The following RALGDS variants were observed in gnomAD, a reference collection of about 807,000 sequenced individuals.
RALGDS encodes ral guanine nucleotide exchange factor.
A neutral mutation model predicts 99.8 loss-of-function variants in RALGDS; 44 were observed. The observed-to-expected ratio is 0.44, with a 90% confidence interval of 0.35 to 0.57. RALGDS has a LOEUF of 0.57. RALGDS is among the 20% of genes least tolerant of loss of function. The probability of loss-of-function intolerance (pLI) is 0.01; values close to 1 mark genes in which losing one functional copy is unlikely to be tolerated. For synonymous variants in RALGDS, 529 were observed against 505.0 expected, an observed-to-expected ratio of 1.05 and a Z score of -0.64; for missense variants, 1,022 against 1,203.1, an observed-to-expected ratio of 0.85 and a Z score of 2.23.
intron 1 of RALGDS, chr9:133,129,177 G>T (rs1832256132): frequency 8.1e-6 from 13 of 1,597,086 alleles, no homozygotes; most frequent in Non-Finnish European, 1.1e-5. Context: ...GCCAGCCAAG[G>T]TGTCGGGCTT....
chr9:133,115,046 C>T (rs1293153241), intron 1 of RALGDS, among the ~76,000 whole-genome samples: 1 of 152,176 alleles, frequency 6.6e-6, no homozygotes, highest in South Asian at 2.1e-4. Flanking sequence ...AGCAGGATGC[C>T]GTGTCCCTGG....
chr9:133,114,237 A>C (rs1372860002), intron 1 of RALGDS, among the ~76,000 whole-genome samples: 2 of 152,154 alleles, frequency 1.3e-5, no homozygotes, highest in Non-Finnish European at 2.9e-5. Flanking sequence ...ACCCTGTCAC[A>C]CAGTCGGGGA....
chr9:133,140,577 G>T (rs1300394487), intron 1 of RALGDS, among the ~76,000 whole-genome samples: 1 of 152,096 alleles, frequency 6.6e-6, no homozygotes, highest in Non-Finnish European at 1.5e-5. Flanking sequence ...CAGGCAGTGG[G>T]TCCCGGCCCC....
intron 1 of RALGDS, among the ~76,000 whole-genome samples, chr9:133,147,366 G>T (rs1832639198): frequency 6.6e-6 from 1 of 152,174 alleles, no homozygotes; most frequent in Non-Finnish European, 1.5e-5. Flanking sequence ...TCCTTTCTGT[G>T]CCTGTTTGCT....
intron 1 of RALGDS, among the ~76,000 whole-genome samples, chr9:133,129,672 C>T (rs1286313220): frequency 6.6e-6 from 1 of 152,158 alleles, no homozygotes; most frequent in Non-Finnish European, 1.5e-5. Context: ...GTCAGCAGAG[C>T]CACCAGGCGG....
At chr9:133,105,884 C>CCA (rs1831023798) in intron 9 of RALGDS, 48 bp downstream of exon 9, 3 of 58,800 alleles carry the variant, frequency 5.1e-5, no homozygotes, top group African/African-American at 2.6e-4. Flanking sequence ...CCCCAGCCCC[C>CCA]GCCCCAGCCC....
chr9:133,108,131 C>T lies in RALGDS; in HGVS notation c.1054G>A (p.Glu352Lys). Residue 352 changes from glutamate to lysine, a missense_variant, in exon 6 of 18, where the codon GAG (glutamate) becomes AAG (lysine). Coordinates refer to ENST00000372050, the MANE Select transcript of RALGDS (RefSeq NM_006266.4). Reference sequence around the variant, plus strand: ...GATGGAACTGGTGCTGGAGCTGGCTCCAGCTCTAGAGTTTGTGAGGGAGCT... The same window carrying T: ...GATGGAACTGGTGCTGGAGCTGGCTTCAGCTCTAGAGTTTGTGAGGGAGCT... Reference protein sequence around the residue: ...DPAPSQTLELEPAPAPVPSLQ... With the variant: ...DPAPSQTLELKPAPAPVPSLQ... The T allele has an allele frequency of 1.2e-6, 2 of 1,610,826 alleles. No homozygotes were observed. Among genetic ancestry groups the T allele is most frequent in the Non-Finnish European group, 1.7e-6 (2 of 1,177,994 alleles).
intron 12 of RALGDS, 53 bp from the exon 13 acceptor site, chr9:133,102,953 G>T: frequency 6.2e-7 from 1 of 1,606,844 alleles, no homozygotes; most frequent in Non-Finnish European, 8.5e-7. Flanking sequence ...GGCAGCACAG[G>T]GGCCAGTCTC....
In RALGDS at chr9:133,098,627, A is replaced by C; in HGVS notation, c.2705T>G (p.Met902Arg). 6.2e-7 allele frequency: 1 copy of C among 1,614,172 alleles called. No homozygotes were observed. The highest frequency in any genetic ancestry group is 1.1e-5 in the South Asian group (1 of 91,084). ...KHGASSTLPR[M>R]KQKGLKIAKG... ...GGCAATCTTGAGTCCTTTCTGCTTC[A>C]TGCGAGGGAGGGTGGAGCTGGCTCC... Residue 902 changes from methionine (M) to arginine (R), a missense_variant, in exon 18 of 18, where the codon ATG becomes AGG. Coordinates refer to ENST00000372050, the MANE Select transcript of RALGDS (RefSeq NM_006266.4).
chr9:133,148,862 C>T, intron 1 of RALGDS: 1 of 1,435,802 alleles, frequency 7.0e-7, no homozygotes, highest in Admixed American at 2.0e-5. Flanking sequence ...GCACGCTCAG[C>T]GTGGACGCGG....
Position 133,107,278 on chromosome 9 carries a change from G to A in RALGDS, c.1220C>T (p.Pro407Leu), listed in dbSNP as rs1831111381. The change falls in exon 7 of 18, where the codon CCC becomes CTC. Residue 407 changes from proline (P) to leucine (L), a missense_variant. By Grantham distance (98) the Pro-to-Leu change is moderately conservative. Around this residue, in one of 3 missense-constraint regions of RALGDS, gnomAD observed 825 missense variants for 994.5 expected, o/e 0.83. Transcript: ENST00000372050. ...CCAGATGGAGCCCAGGCAGTGGTAG[G>A]GCACCACCTTCTTGAACAGTTCCTG... ...MDAELFKKVV[P>L]YHCLGSIWSQ... The A allele has an allele frequency of 1.2e-6, 2 of 1,613,568 alleles. No individual in the cohort carries two copies. Among genetic ancestry groups the A allele is most frequent in the Admixed American group, 1.7e-5 (1 of 59,990 alleles).
intron 5 of RALGDS, 120 bp from the exon 6 acceptor site, chr9:133,108,526 C>T: frequency 1.4e-6 from 2 of 1,401,394 alleles, no homozygotes; most frequent in Admixed American, 3.9e-5. Context: ...TGTACCAGGC[C>T]ACTCTCCTGC....
At chr9:133,106,070 T>G in intron 8 of RALGDS, 54 bp from the exon 9 acceptor site, 1 of 1,395,092 alleles carries the variant, frequency 7.2e-7, no homozygotes, top group Non-Finnish European at 1.0e-6. Flanking sequence ...GGGAGGGGTG[T>G]GAGTGCAAAT....
At position 133,144,001 on chromosome 9, in the gene RALGDS, C is replaced by G. The variant is rs566042451; in HGVS notation, c.18+4962G>C. 6.6e-6 allele frequency among the ~76,000 whole-genome samples: 1 copy of G among 152,000 alleles called. No individual in the cohort carries two copies. Among genetic ancestry groups the G allele is most frequent in the East Asian group, 1.9e-4 (1 of 5,150 alleles). ...CGCCTCTGAGGGGCTGTGCTGACCC[C>G]CACCAGGAGCAGCAGGACCACCTCA... On this transcript the variant is annotated intron_variant, in intron 1 of 17. Transcript: ENST00000393160. The surrounding 1 kb of genome is among the most constrained non-coding windows in gnomAD (Gnocchi z 4.5).
Position 133,108,335 on chromosome 9 carries a change from T to C in RALGDS, c.850A>G (p.Ser284Gly). 1 of 1,542,530 alleles carries C rather than the reference T, an allele frequency of 6.5e-7. No homozygotes were observed. Among genetic ancestry groups the C allele is most frequent in the Non-Finnish European group, 8.7e-7 (1 of 1,147,044 alleles). The change falls in exon 6 of 18, where the codon AGC (serine) becomes GGC (glycine). Residue 284 changes from serine to glycine, a missense_variant. Ser to Gly is a moderately conservative substitution (Grantham distance 56). Around this residue, in one of 3 missense-constraint regions of RALGDS, gnomAD observed 825 missense variants for 994.5 expected, o/e 0.83. Coordinates refer to ENST00000372050, the MANE Select transcript of RALGDS (RefSeq NM_006266.4). ...TCCGGGGCTGGAGCCGGCACTGGGC[T>C]GGGTGCTCGAGCTGGTGTTAGAGCT... Reference protein sequence around the residue: ...ELALTPARAPSPVPAPAPEPE... With the variant: ...ELALTPARAPGPVPAPAPEPE...
At position 133,108,061 on chromosome 9, in the gene RALGDS, A is replaced by G. The variant is rs1314591591; in HGVS notation, c.1124T>C (p.Leu375Pro). The G allele has an allele frequency of 6.2e-7, 1 of 1,613,674 alleles. No individual in the cohort carries two copies. Among genetic ancestry groups the G allele is most frequent in the African/African-American group, 1.3e-5 (1 of 75,072 alleles). ...WPSPVVAENG[L>P]SEEKPHLLVF... is the part of the protein sequence containing the mutation. ...CAAGAGGTGAGGCTTCTCCTCACTCAGCCCGTTCTCTGCAACCACAGGTGA... is the reference window on the plus strand; with the variant it reads ...CAAGAGGTGAGGCTTCTCCTCACTCGGCCCGTTCTCTGCAACCACAGGTGA... Residue 375 changes from leucine to proline, a missense_variant, in exon 6 of 18, where the codon CTG becomes CCG. Coordinates refer to ENST00000372050, the MANE Select transcript of RALGDS (RefSeq NM_006266.4).
In RALGDS at chr9:133,115,930, G is replaced by A. The variant is rs570053327; in HGVS notation, c.184-3778C>T. On this transcript the variant is annotated intron_variant, in intron 1 of 17. Transcript: ENST00000372050. Reference sequence around the variant, plus strand: ...TAAAACGCATCACAGAAGGCTGCTCGCTCTCTACAGAGCCCAGGCTCCTGC... The same window carrying A: ...TAAAACGCATCACAGAAGGCTGCTCACTCTCTACAGAGCCCAGGCTCCTGC... Among the ~76,000 whole-genome samples the A allele has an allele frequency of 1.1e-4, 17 of 152,364 alleles. No individual in the cohort carries two copies. The South Asian group carries it at 3.1e-3, about 28-fold the overall frequency.
At chr9:133,131,240 CCTCAGGGTGGAGACT>C (rs1191710612), upstream of RALGDS, 1 of 927,928 alleles carries the variant, frequency 1.1e-6, no homozygotes, top group Non-Finnish European at 1.4e-6. Flanking sequence ...GCTCTGCCAC[CCTCAGGGTGGAGACT>C]CTCAGGGGAT....
intron 16 of RALGDS, chr9:133,100,674 G>A: frequency 7.7e-7 from 1 of 1,294,766 alleles, no homozygotes; most frequent in South Asian, 1.6e-5. Flanking sequence ...ACACTTCCTT[G>A]AGAAGCACTT....
Sources: allele counts gnomAD v4.1 joint callset (sites outside exome capture counted in the v4.1 genomes callset), GRCh38; gene constraint gnomAD v4.1.1; regional missense constraint gnomAD v4.1.1; non-coding constraint Gnocchi (gnomAD v3.1); transcripts MANE v1.5; gene names NCBI Gene and HGNC (gene_info 2026-07-23, HGNC 2026-07-21).